ATP11C: variants seen among roughly 807,000 people sequenced by gnomAD.
The protein encoded by ATP11C is phospholipid-transporting ATPase IG.
In ATP11C, 36 loss-of-function variants were observed where a neutral mutation model predicts 97.4. The observed-to-expected ratio is 0.37, with a 90% CI of 0.28 to 0.49. The LOEUF is 0.49. ATP11C is among the 20% of genes least tolerant of loss of function. ATP11C has a pLI of 0.98. For synonymous variants in ATP11C, 275 were observed against 290.9 expected (o/e 0.95, Z 0.56); for missense variants, 730 against 824.6 (o/e 0.89, Z 1.40).
upstream of ATP11C, among the ~76,000 whole-genome samples, chrX:139,934,742 G>A (rs1385965708): frequency 9.1e-6 from 1 of 109,606 alleles, no homozygotes; most frequent in Non-Finnish European, 1.9e-5. Context: ...TAGTAGAGAC[G>A]GGGTTTCACC....
intron 1 of ATP11C, among the ~76,000 whole-genome samples, chrX:139,862,989 C>G (rs1421432191): frequency 2.7e-5 from 3 of 111,277 alleles, no homozygotes; most frequent in Non-Finnish European, 5.7e-5. Context: ...ACACACTGTA[C>G]TTTGATTTGT....
chrX:139,869,126 A>G (rs1243835166), intron 1 of ATP11C, among the ~76,000 whole-genome samples: 1 of 112,351 alleles, frequency 8.9e-6, no homozygotes, highest in Non-Finnish European at 1.9e-5. Flanking sequence ...TGGGTGTATC[A>G]CCACAAAATT....
chrX:139,850,742 G>A (rs1262547894), intron 1 of ATP11C, among the ~76,000 whole-genome samples: 6 of 110,088 alleles, frequency 5.5e-5, no homozygotes, highest in African/African-American at 2.0e-4. Context: ...GTGAAACCCC[G>A]TCTACTAAAA....
At chrX:139,811,603 A>C (rs1306811937) in intron 5 of ATP11C, among the ~76,000 whole-genome samples, 1 of 109,594 alleles carries the variant, frequency 9.1e-6, no homozygotes, top group Non-Finnish European at 1.9e-5. Flanking sequence ...CTACATCCTA[A>C]ATCACTAAAT....
chrX:139,848,787 C>T (rs1226403813), intron 1 of ATP11C, among the ~76,000 whole-genome samples: 1 of 111,784 alleles, frequency 8.9e-6, no homozygotes, highest in Non-Finnish European at 1.9e-5. Context: ...CTCACTAGCC[C>T]TCTCAATTCC....
In ATP11C at chrX:139,782,650, C is replaced by G. The variant is rs773139955; in HGVS notation, c.1849G>C (p.Glu617Gln). The change falls in exon 18 of 30, where the codon GAG becomes CAG. Residue 617 changes from glutamate (E) to glutamine (Q), a missense_variant. Coordinates refer to ENST00000682941, the MANE Select transcript of ATP11C (RefSeq NM_001353812.2). ...CTGTCTTGTAAGGCCATTTTTGCCT[C>G]TATGAGCTGTCTGTTAATTCTTTCA... ...DYERINRQLI[E>Q]AKMALQDREE... The G allele has an allele frequency of 1.7e-6, 2 of 1,205,374 alleles. No individual in the cohort carries two copies. Among genetic ancestry groups the G allele is most frequent in the Non-Finnish European group, 2.2e-6 (2 of 890,935 alleles).
intron 1 of ATP11C, chrX:139,924,069 T>C: frequency 2.7e-6 from 1 of 368,987 alleles, no homozygotes; most frequent in East Asian, 7.7e-5. Flanking sequence ...TGCAAATGAG[T>C]ATTAGGACTA....
rs755653627 is a variant in ATP11C at position 139,792,822 on chromosome X, T to C, written c.1207-3334A>G. On this transcript the variant is annotated intron_variant, in intron 12 of 29. Coordinates refer to ENST00000682941, the MANE Select transcript of ATP11C (RefSeq NM_001353812.2). Reference sequence around the variant, plus strand: ...TTTCCCCTATATATCGTCCCACATGTCTCTTCATCTGTGTCCTTTGCAATA... The same window carrying C: ...TTTCCCCTATATATCGTCCCACATGCCTCTTCATCTGTGTCCTTTGCAATA... Among the ~76,000 whole-genome samples, 3 of 112,242 alleles carry C rather than the reference T, an allele frequency of 2.7e-5. No homozygotes were observed. In the South Asian group the frequency reaches 1.1e-3, roughly 42 times the overall value.
At chrX:139,884,274 G>T (rs1301245365) in intron 1 of ATP11C, among the ~76,000 whole-genome samples, 2 of 111,353 alleles carry the variant, frequency 1.8e-5, no homozygotes, top group East Asian at 2.8e-4. Flanking sequence ...GGCCCTGCTT[G>T]TAAGACCCAA....
chrX:139,736,917 T>C (rs2081456101), intron 28 of ATP11C, among the ~76,000 whole-genome samples: 1 of 111,689 alleles, frequency 9.0e-6, no homozygotes, highest in Non-Finnish European at 1.9e-5. Flanking sequence ...TCTAATCATT[T>C]CAGATCCCCA....
At chrX:139,922,722 C>A (rs1027478663) in intron 1 of ATP11C, among the ~76,000 whole-genome samples, 7 of 111,738 alleles carry the variant, frequency 6.3e-5, no homozygotes, top group Admixed American at 1.9e-4. Flanking sequence ...CTTCCAAGTT[C>A]CAGGATTGTG....
intron 2 of ATP11C, 75 bp downstream of exon 2, chrX:139,826,629 T>G: frequency 1.1e-6 from 1 of 940,264 alleles, no homozygotes; most frequent in Non-Finnish European, 1.5e-6. Flanking sequence ...TGCATCAGTT[T>G]CCTCAGAAGC....
chrX:139,880,937 G>A (rs936462684), intron 1 of ATP11C, among the ~76,000 whole-genome samples: 1 of 112,023 alleles, frequency 8.9e-6, no homozygotes, highest in Non-Finnish European at 1.9e-5. Flanking sequence ...ATAAGCAACT[G>A]TGTGTTAATT....
intron 23 of ATP11C, among the ~76,000 whole-genome samples, chrX:139,753,794 G>T (rs1367444084): frequency 9.1e-6 from 1 of 110,198 alleles, no homozygotes; most frequent in Non-Finnish European, 1.9e-5. Context: ...GGGTGACAGA[G>T]CAAGAGAAAA....
intron 1 of ATP11C, among the ~76,000 whole-genome samples, chrX:139,841,103 A>G (rs2083823241): frequency 8.9e-6 from 1 of 112,804 alleles, no homozygotes; most frequent in Non-Finnish European, 1.9e-5. Flanking sequence ...CAAACTGAAA[A>G]TTACATTTTA....
intron 26 of ATP11C, among the ~76,000 whole-genome samples, chrX:139,741,377 T>C (rs745356163): frequency 9.1e-6 from 1 of 110,197 alleles, no homozygotes; most frequent in African/African-American, 3.3e-5. Context: ...TACTGGGGAA[T>C]GGGCAAGGAA....
At chrX:139,845,034 T>A (rs755540000) in intron 1 of ATP11C, among the ~76,000 whole-genome samples, 2 of 112,200 alleles carry the variant, frequency 1.8e-5, no homozygotes, top group East Asian at 5.6e-4. Context: ...GTGAGCAACA[T>A]TAGGTCCTGG....
chrX:139,917,343 T>C (rs929834363), intron 1 of ATP11C, among the ~76,000 whole-genome samples: 12 of 111,813 alleles, frequency 1.1e-4, no homozygotes, highest in African/African-American at 3.9e-4. Context: ...TGAGACTACA[T>C]CAAACTTTAA....
chrX:139,732,185 C>T (rs769221164), intron 28 of ATP11C, among the ~76,000 whole-genome samples: 1 of 110,939 alleles, frequency 9.0e-6, no homozygotes, highest in African/African-American at 3.3e-5. Context: ...AGCTCTAACA[C>T]GCCATGGCCA....
Sources: allele counts gnomAD v4.1 joint callset (sites outside exome capture counted in the v4.1 genomes callset), GRCh38; gene constraint gnomAD v4.1.1; transcripts MANE v1.5; gene names NCBI Gene and HGNC (gene_info 2026-07-23, HGNC 2026-07-21).